The following USH2A variants were observed in gnomAD, a reference collection of about 807,000 sequenced individuals.
The protein encoded by USH2A is usherin.
USH2A carries 443 observed loss-of-function variants against 538.9 expected under a neutral mutation model. That is an observed-to-expected ratio of 0.82 (90% CI 0.76 to 0.89). The LOEUF is 0.89. Among genes scored for constraint, USH2A ranks in the 40% least tolerant of loss-of-function variants. The probability of loss-of-function intolerance (pLI) is 0.00; values close to 1 mark genes in which losing one functional copy is unlikely to be tolerated. For synonymous variants in USH2A, 2,413 were observed against 2,273.5 expected, an observed-to-expected ratio of 1.06 and a Z score of -1.75; for missense variants, 6,633 against 6,324.8, an observed-to-expected ratio of 1.05 and a Z score of -1.65.
chr1:216,229,410 G>A (rs116723892), intron 14 of USH2A, among the ~76,000 whole-genome samples: 3,706 of 151,684 alleles, frequency 0.024, 156 homozygotes, highest in African/African-American at 0.085. Context: ...CGACCTTCCA[G>A]TCTCAAGCAG....
At chr1:215,925,754 C>A (rs1286307625) in intron 38 of USH2A, among the ~76,000 whole-genome samples, 1 of 152,140 alleles carries the variant, frequency 6.6e-6, no homozygotes. Flanking sequence ...TAAGATATCC[C>A]ATTGCCACCT....
chr1:215,836,644 C>T (rs1217822726), intron 47 of USH2A, among the ~76,000 whole-genome samples: 2 of 132,510 alleles, frequency 1.5e-5, no homozygotes, highest in Non-Finnish European at 3.2e-5. Flanking sequence ...CCAAGTTCCG[C>T]CTCCCAGGTT....
At chr1:216,105,219 T>C (rs1181805819) in intron 21 of USH2A, among the ~76,000 whole-genome samples, 2 of 152,174 alleles carry the variant, frequency 1.3e-5, no homozygotes, top group East Asian at 3.9e-4. Flanking sequence ...GTCTGAGAAA[T>C]CTTTACCAAC....
chr1:215,953,336 C>T (rs1666976048), intron 37 of USH2A, among the ~76,000 whole-genome samples: 1 of 152,154 alleles, frequency 6.6e-6, no homozygotes, highest in Non-Finnish European at 1.5e-5. Context: ...CTACAGTAAC[C>T]AAAACAGCAT....
At chr1:216,080,776 A>G (rs1166838621) in intron 26 of USH2A, among the ~76,000 whole-genome samples, 2 of 150,758 alleles carry the variant, frequency 1.3e-5, no homozygotes, top group Non-Finnish European at 3.0e-5. Flanking sequence ...CGGTAGACAT[A>G]TTTTCTTTGG....
intron 64 of USH2A, among the ~76,000 whole-genome samples, chr1:215,659,587 G>A (rs1027030979): frequency 6.6e-6 from 1 of 152,026 alleles, no homozygotes; most frequent in Non-Finnish European, 1.5e-5. Flanking sequence ...CAATACCCTA[G>A]CCTTAAAGTC....
At chr1:216,055,071 A>AT (rs111832762) in intron 30 of USH2A, among the ~76,000 whole-genome samples, 2,688 of 151,368 alleles carry the variant, frequency 0.018, 46 homozygotes, top group East Asian at 0.084. Context: ...TTTATCTCTC[A>AT]TTTTTTTTTC....
chr1:215,669,757 A>G (rs1571944501), intron 64 of USH2A, among the ~76,000 whole-genome samples: 1 of 152,246 alleles, frequency 6.6e-6, no homozygotes, highest in South Asian at 2.1e-4. Flanking sequence ...TCGAGAATTT[A>G]TTTATATTTT....
intron 21 of USH2A, among the ~76,000 whole-genome samples, chr1:216,122,877 C>T (rs533955771): frequency 2.6e-5 from 4 of 152,234 alleles, no homozygotes; most frequent in Admixed American, 2.0e-4. Flanking sequence ...TAGAAAATTG[C>T]TTTTTATCAA....
intron 6 of USH2A, among the ~76,000 whole-genome samples, chr1:216,324,851 T>C (rs2037697163): frequency 6.6e-6 from 1 of 152,172 alleles, no homozygotes; most frequent in African/African-American, 2.4e-5. Flanking sequence ...TGTAGTGGGT[T>C]GAATTGTGTT....
chr1:216,229,879 TA>T (rs1380846586), intron 14 of USH2A, among the ~76,000 whole-genome samples: 1 of 151,790 alleles, frequency 6.6e-6, no homozygotes, highest in African/African-American at 2.4e-5. Context: ...CAGAATGGGG[TA>T]AAAGGCTCAG....
At chr1:216,252,863 G>A (rs1395689277) in intron 11 of USH2A, among the ~76,000 whole-genome samples, 1 of 152,116 alleles carries the variant, frequency 6.6e-6, no homozygotes, top group Admixed American at 6.5e-5. Flanking sequence ...GTAACATATA[G>A]GCATACCATG....
At chr1:215,989,709 A>G (rs930301104) in intron 35 of USH2A, among the ~76,000 whole-genome samples, 1 of 151,996 alleles carries the variant, frequency 6.6e-6, no homozygotes, top group African/African-American at 2.4e-5. Context: ...TGCCCAGTAT[A>G]CTGGCTGGCA....
rs1571784038 is a variant in USH2A, at chr1:215,888,870, G to A, written c.7779C>T (p.Tyr2593=). 2 of 1,614,138 alleles carry A rather than the reference G, an allele frequency of 1.2e-6. No homozygotes were observed. The highest frequency in any genetic ancestry group is 2.7e-5 in the African/African-American group (2 of 75,032). Residue 2593 remains tyrosine, a synonymous_variant, in exon 41 of 72, where the codon TAC becomes TAT. Coordinates refer to ENST00000307340, the MANE Select transcript of USH2A (RefSeq NM_206933.4). ...CTTCTACCTGAAACTTATAGGCAGT[G>A]TATGGGTGTAAATGCATCACTGTGC... ...TNCTVMHLHP[Y]TAYKFQVEAC... is the part of the protein sequence containing the mutation.
At position 216,006,144 on chromosome 1, in the gene USH2A, T is replaced by G. The variant is rs932785566; in HGVS notation, c.6326-5582A>C. ...CTGGCTTTACTTTAACTTCCTCAAA[T>G]GCAATGCCCTTCACCTCTACTTCAT... is the stretch of plus-strand genomic sequence containing the variant. On this transcript the variant is annotated intron_variant, in intron 32 of 71. Coordinates refer to ENST00000307340, the MANE Select transcript of USH2A (RefSeq NM_206933.4). Among the ~76,000 whole-genome samples the G allele has an allele frequency of 2.6e-5, 4 of 152,270 alleles. 1 individual carries two copies. In the South Asian group the frequency reaches 8.3e-4, roughly 32 times the overall value.
Position 215,674,392 on chromosome 1 carries a change from A to G in USH2A, c.13519T>C (p.Tyr4507His), listed in dbSNP as rs756025329. Residue 4507 changes from tyrosine to histidine, a missense_variant, in exon 63 of 72, where the codon TAC becomes CAC. Tyr to His is a moderately conservative substitution (Grantham distance 83). Coordinates refer to ENST00000307340, the MANE Select transcript of USH2A (RefSeq NM_206933.4). ...FTLTPGVEYS[Y>H]TVTASNSQGG... ...TGGCTGTTGCTGGCAGTTACTGTGT[A>G]GCTATACTCCACACCTGGGGTGAGA... 6.2e-7 allele frequency: 1 copy of G among 1,614,086 alleles called. No homozygotes were observed. The highest frequency in any genetic ancestry group is 1.7e-5 in the Admixed American group (1 of 60,024).
chr1:216,258,918 C>T (rs760320018), intron 11 of USH2A, among the ~76,000 whole-genome samples: 14 of 152,078 alleles, frequency 9.2e-5, no homozygotes, highest in Non-Finnish European at 1.9e-4. Flanking sequence ...GGAGCTGCAT[C>T]ATAGACAGAG....
At chr1:215,869,376 A>G (rs933979921) in intron 43 of USH2A, among the ~76,000 whole-genome samples, 1 of 152,200 alleles carries the variant, frequency 6.6e-6, no homozygotes, top group Non-Finnish European at 1.5e-5. Flanking sequence ...GGATGATGTC[A>G]TATCACTAAG....
intron 58 of USH2A, among the ~76,000 whole-genome samples, chr1:215,749,660 C>A (rs1199051629): frequency 6.6e-6 from 1 of 152,168 alleles, no homozygotes; most frequent in African/African-American, 2.4e-5. Context: ...TGGGAAGCCA[C>A]ACGACTTGGT....
Sources: gnomAD v4.1 joint callset for allele counts (sites outside exome capture counted in the v4.1 genomes callset) on GRCh38, gnomAD v4.1.1 for gene constraint, MANE v1.5 for transcripts, NCBI Gene and HGNC (gene_info 2026-07-23, HGNC 2026-07-21) for gene names.